The following SGMS1 variants were observed in gnomAD, a reference collection of about 807,000 sequenced individuals.
SGMS1 encodes the protein phosphatidylcholine:ceramide cholinephosphotransferase 1.
SGMS1 carries 13 observed loss-of-function variants against 46.2 expected under a neutral mutation model. The observed-to-expected ratio is 0.28, with a 90% CI of 0.18 to 0.45. The LOEUF (loss-of-function observed/expected upper bound fraction) is 0.45. SGMS1 is among the 20% of genes least tolerant of loss of function. SGMS1 has a pLI of 1.00. For synonymous variants in SGMS1, 203 were observed against 187.8 expected (o/e 1.08, Z -0.66); for missense variants, 324 against 519.9 (o/e 0.62, Z 3.66).
intron 3 of SGMS1, among the ~76,000 whole-genome samples, chr10:50,493,032 G>A (rs546715801): frequency 6.6e-6 from 1 of 152,084 alleles, no homozygotes; most frequent in South Asian, 2.1e-4. Flanking sequence ...CGAACCTCGG[G>A]TATTACCCCA....
chr10:50,415,914 A>G lies in SGMS1; in HGVS notation c.-232+17562T>C, dbSNP rs574015409. Among the ~76,000 whole-genome samples the G allele has an allele frequency of 7.2e-5, 11 of 152,324 alleles. No individual in the cohort carries two copies. In the South Asian group the frequency reaches 2.3e-3, roughly 32 times the overall value. ...TTCAACTAGAGAAAGCCTGAATAGC[A>G]CTTGTGACACGCAAGAGGAAAATGC... On this transcript the variant is annotated intron_variant, in intron 6 of 10. Transcript: ENST00000361781.
At chr10:50,580,401 A>C (rs1312640849) in intron 2 of SGMS1, among the ~76,000 whole-genome samples, 1 of 151,550 alleles carries the variant, frequency 6.6e-6, no homozygotes, top group African/African-American at 2.4e-5. Context: ...TAATGATTTA[A>C]CATTTACCAC....
At chr10:50,511,248 T>TACACACACACACACACACAC (rs3054272) in intron 3 of SGMS1, among the ~76,000 whole-genome samples, 10 of 141,702 alleles carry the variant, frequency 7.1e-5, no homozygotes, top group African/African-American at 1.8e-4. Context: ...CACTCATTCA[T>TACACACACACACACACACAC]ACACACACAC....
intron 2 of SGMS1, among the ~76,000 whole-genome samples, chr10:50,524,324 C>T (rs989993583): frequency 6.6e-6 from 1 of 152,190 alleles, no homozygotes; most frequent in East Asian, 1.9e-4. Flanking sequence ...GCAGTCTGAG[C>T]CTCTGGGCTT....
intron 2 of SGMS1, among the ~76,000 whole-genome samples, chr10:50,539,241 C>T (rs1293083096): frequency 1.3e-5 from 2 of 152,204 alleles, no homozygotes; most frequent in African/African-American, 4.8e-5. Flanking sequence ...CCTGTGTCAG[C>T]TGTGGTCAAA....
At position 50,503,764 on chromosome 10, in the gene SGMS1, C is replaced by CTAGG. The variant is rs1837681957; in HGVS notation, c.-498+16063_-498+16066dup. On this transcript the variant is annotated intron_variant, in intron 3 of 10. Transcript: ENST00000361781. ...TGGGTTTGGCCTTAGACGACAAAGG[C>CTAGG]TAGGGTTCACTGCCCCGTGCAGACA... Among the ~76,000 whole-genome samples, 5 of 152,238 alleles carry CTAGG rather than the reference C, an allele frequency of 3.3e-5. No individual in the cohort carries two copies. In the South Asian group the frequency reaches 1.0e-3, roughly 32 times the overall value.
At chr10:50,375,738 C>T (rs943922523) in intron 6 of SGMS1, among the ~76,000 whole-genome samples, 8 of 152,066 alleles carry the variant, frequency 5.3e-5, no homozygotes, top group Non-Finnish European at 7.4e-5. Context: ...CACTAGTGTG[C>T]CCAGATTAAA....
At chr10:50,614,626 G>A (rs75539510) in intron 1 of SGMS1, among the ~76,000 whole-genome samples, 20,618 of 152,230 alleles carry the variant, frequency 0.14, 1,769 homozygotes, top group Non-Finnish European at 0.2. Flanking sequence ...AGCCCTGGGC[G>A]TTGTAAGCAG....
At chr10:50,533,786 T>A (rs1247423084) in intron 2 of SGMS1, among the ~76,000 whole-genome samples, 1 of 152,120 alleles carries the variant, frequency 6.6e-6, no homozygotes, top group African/African-American at 2.4e-5. Context: ...ATAAAGTTTA[T>A]ATACATGCAT....
intron 2 of SGMS1, among the ~76,000 whole-genome samples, chr10:50,556,154 G>A (rs190677224): frequency 6.6e-6 from 1 of 152,098 alleles, no homozygotes; most frequent in African/African-American, 2.4e-5. Context: ...ACAACTCTCG[G>A]TCACCAATCT....
At chr10:50,405,750 A>AT (rs1849005645) in intron 6 of SGMS1, among the ~76,000 whole-genome samples, 1 of 152,244 alleles carries the variant, frequency 6.6e-6, no homozygotes, top group Non-Finnish European at 1.5e-5. Flanking sequence ...TGCAACTATA[A>AT]TTCTAGGTTA....
chr10:50,455,799 T>C (rs1225501579), intron 5 of SGMS1, among the ~76,000 whole-genome samples: 1 of 152,210 alleles, frequency 6.6e-6, no homozygotes, highest in Non-Finnish European at 1.5e-5. Context: ...TACTGGGTAA[T>C]CCACATGAAC....
chr10:50,355,960 G>C (rs1848139756), intron 6 of SGMS1, among the ~76,000 whole-genome samples: 1 of 151,668 alleles, frequency 6.6e-6, no homozygotes, highest in African/African-American at 2.4e-5. Flanking sequence ...TCTCTGACCG[G>C]CCGCCCCGTC....
intron 2 of SGMS1, 79 bp from the exon 3 acceptor site, chr10:50,520,000 CAT>C (rs1837843811): frequency 6.6e-6 from 1 of 152,214 alleles, no homozygotes; most frequent in Non-Finnish European, 1.5e-5. Context: ...GCAACTCTCT[CAT>C]ATAATCAAAT....
chr10:50,480,078 T>C (rs1837462440), intron 3 of SGMS1, among the ~76,000 whole-genome samples: 1 of 152,126 alleles, frequency 6.6e-6, no homozygotes, highest in Non-Finnish European at 1.5e-5. Flanking sequence ...GACTTATTTA[T>C]GACATTTTCA....
At chr10:50,379,380 G>C (rs1848568469) in intron 6 of SGMS1, among the ~76,000 whole-genome samples, 1 of 151,944 alleles carries the variant, frequency 6.6e-6, no homozygotes, top group African/African-American at 2.4e-5. Flanking sequence ...CTGTGACGTA[G>C]AAATACATAT....
intron 5 of SGMS1, among the ~76,000 whole-genome samples, chr10:50,449,323 C>A (rs1423047611): frequency 6.6e-6 from 1 of 152,144 alleles, no homozygotes; most frequent in Non-Finnish European, 1.5e-5. Context: ...AATTGGAAAG[C>A]TTCCTAAGAT....
chr10:50,531,649 G>T (rs1837954490), intron 2 of SGMS1, among the ~76,000 whole-genome samples: 2 of 152,024 alleles, frequency 1.3e-5, no homozygotes, highest in African/African-American at 4.8e-5. Flanking sequence ...CCCTACAAAG[G>T]GGTTGGATCC....
rs1434013298 is a variant in SGMS1, at chr10:50,307,316, T to C, written c.1068A>G (p.Leu356=). 1.9e-6 allele frequency: 3 copies of C among 1,612,466 alleles called. No homozygotes were observed. Among genetic ancestry groups the C allele is most frequent in the Non-Finnish European group, 2.5e-6 (3 of 1,179,166 alleles). The change falls in exon 11 of 11, where the codon CTA becomes CTG. Residue 356 remains leucine, a synonymous_variant. Transcript: ENST00000361781. This position sits in a 1 kb window ranked among gnomAD's most constrained non-coding sequence, Gnocchi z 4.2. ...GGAGGTTCATCTGGGAAGCTTCCTT[T>C]AGCACCTAGGATAACAAAGAAACAT... is the stretch of plus-strand genomic sequence containing the variant. The part of the protein sequence containing the change: ...WYHTMANQQV[L]KEASQMNLLA...
Sources: allele counts gnomAD v4.1 joint callset (sites outside exome capture counted in the v4.1 genomes callset), GRCh38; gene constraint gnomAD v4.1.1; non-coding constraint Gnocchi (gnomAD v3.1); transcripts MANE v1.5; gene names NCBI Gene and HGNC (gene_info 2026-07-23, HGNC 2026-07-21).